Variants in CHD9 observed in about 807,000 individuals in gnomAD.
CHD9 encodes chromodomain helicase DNA binding protein 9, also known as ATP-dependent chromatin remodeler CHD9.
In CHD9, 77 loss-of-function variants were observed where a neutral mutation model predicts 316.1. That is an observed-to-expected ratio of 0.24 (90% confidence interval 0.20 to 0.29). The LOEUF is 0.29. CHD9 is among the 10% of genes least tolerant of loss of function. The pLI is 1.00. For synonymous variants in CHD9, 1,129 were observed against 1,158.3 expected, an observed-to-expected ratio of 0.97 and a Z score of 0.51; for missense variants, 2,763 against 3,438.1, an observed-to-expected ratio of 0.80 and a Z score of 4.91.
At chr16:53,098,015 G>A (rs2036525787) in intron 1 of CHD9, among the ~76,000 whole-genome samples, 1 of 152,112 alleles carries the variant, frequency 6.6e-6, no homozygotes, top group Non-Finnish European at 1.5e-5. Context: ...AGCTACTCAG[G>A]AGGTTGAGGC....
rs758549673 is a variant in CHD9, at chr16:53,238,349, C to T, written c.2640C>T (p.Asn880=). ...WLLFNWYNRR[N]CILADEMGLG... Reference sequence around the variant, plus strand: ...ATGTATTTGTTTATTTCAGACGAAACTGCATCTTAGCAGATGAAATGGGTC... The same window carrying T: ...ATGTATTTGTTTATTTCAGACGAAATTGCATCTTAGCAGATGAAATGGGTC... Residue 880 remains asparagine (N), a synonymous_variant, in exon 12 of 39, where the codon AAC becomes AAT. Transcript: ENST00000447540. 13 of 1,610,178 alleles carry T rather than the reference C, an allele frequency of 8.1e-6. No individual in the cohort carries two copies. In the South Asian group the frequency reaches 1.3e-4, roughly 16 times the overall value.
chr16:53,092,516 G>T (rs2036034473), intron 1 of CHD9, among the ~76,000 whole-genome samples: 2 of 152,070 alleles, frequency 1.3e-5, no homozygotes, highest in African/African-American at 4.8e-5. Context: ...TGATTTGGGA[G>T]CCCAAACACC....
chr16:53,249,166 T>G (rs559723189), intron 16 of CHD9, among the ~76,000 whole-genome samples: 1 of 152,178 alleles, frequency 6.6e-6, no homozygotes, highest in Non-Finnish European at 1.5e-5. Flanking sequence ...ATAACAAACA[T>G]TATTAGAAGT....
chr16:53,241,724 A>T (rs1323306289), intron 12 of CHD9, among the ~76,000 whole-genome samples: 1 of 152,188 alleles, frequency 6.6e-6, no homozygotes, highest in Non-Finnish European at 1.5e-5. Context: ...TGTATCTAGA[A>T]CTGACCACTT....
chr16:53,213,467 A>G (rs1185154906), intron 3 of CHD9, among the ~76,000 whole-genome samples: 3 of 152,212 alleles, frequency 2.0e-5, no homozygotes, highest in Admixed American at 2.0e-4. Flanking sequence ...TATGGGATGG[A>G]TGGATGGATG....
At chr16:53,250,241 A>G (rs1441983496) in intron 17 of CHD9, 175 bp downstream of exon 17, 3 of 586,022 alleles carry the variant, frequency 5.1e-6, no homozygotes, top group South Asian at 2.3e-5. Context: ...GATAAAAACT[A>G]TAATGACAAA....
chr16:53,090,281 C>G (rs4784291), intron 1 of CHD9, among the ~76,000 whole-genome samples: 56,861 of 151,980 alleles, frequency 0.37, 10,877 homozygotes, highest in East Asian at 0.59. Context: ...ACAAAATGAG[C>G]TTCCTGACCG....
chr16:53,057,159 T>A (rs2032234885), intron 1 of CHD9, among the ~76,000 whole-genome samples: 1 of 151,720 alleles, frequency 6.6e-6, no homozygotes, highest in African/African-American at 2.4e-5. Flanking sequence ...TTTTAAAAAT[T>A]ATATAATTAA....
chr16:53,103,153 G>C (rs1334226749), intron 1 of CHD9, among the ~76,000 whole-genome samples: 2 of 85,416 alleles, frequency 2.3e-5, no homozygotes, highest in African/African-American at 8.3e-5. Context: ...CCCTGACCCT[G>C]TCTCTTTAAA....
intron 15 of CHD9, among the ~76,000 whole-genome samples, chr16:53,246,521 G>T (rs2152957988): frequency 6.7e-6 from 1 of 149,020 alleles, no homozygotes; most frequent in Admixed American, 6.7e-5. Flanking sequence ...GTTGTTGTTT[G>T]TTTTTGTTTT....
intron 37 of CHD9, chr16:53,321,174 G>A (rs1299584241): frequency 8.2e-7 from 1 of 1,217,272 alleles, no homozygotes; most frequent in East Asian, 5.5e-5. Context: ...TCAGAAAATT[G>A]AGGCTGAAAG....
rs1186753302 is a variant in CHD9, at chr16:53,174,585, C to T, written c.1452+17044C>T. ...TTAACATGGTATATCTTTTTCTGCC[C>T]TTGTACTTTTAACCTATTTATGTAT... is the stretch of plus-strand genomic sequence containing the variant. On this transcript the variant is annotated intron_variant, in intron 2 of 38. Coordinates refer to ENST00000447540, the MANE Select transcript of CHD9 (RefSeq NM_001308319.2). Among the ~76,000 whole-genome samples the T allele has an allele frequency of 3.3e-5, 5 of 151,810 alleles. No individual in the cohort carries two copies. In the East Asian group the frequency reaches 7.7e-4, roughly 23 times the overall value.
At chr16:53,099,512 G>A (rs761805556) in intron 1 of CHD9, among the ~76,000 whole-genome samples, 1 of 151,978 alleles carries the variant, frequency 6.6e-6, no homozygotes, top group Non-Finnish European at 1.5e-5. Flanking sequence ...GGGACGGCCC[G>A]CTCTGGAATG....
chr16:53,139,327 C>A (rs1191009446), intron 1 of CHD9, among the ~76,000 whole-genome samples: 1 of 151,880 alleles, frequency 6.6e-6, no homozygotes, highest in East Asian at 1.9e-4. Flanking sequence ...AAGGAAGGGC[C>A]ATATTGAAGG....
At position 53,146,413 on chromosome 16, in the gene CHD9, G is replaced by GTATA. The variant is rs1361043895; in HGVS notation, c.-164-9512_-164-9511insATAT. ...CTCAAAAAAAAAAAATTGTGTGTGTGTGTATGTATATATATATATATATAA... is the reference window on the plus strand; with the variant it reads ...CTCAAAAAAAAAAAATTGTGTGTGTGTATATGTATGTATATATATATATATATAA... On this transcript the variant is annotated intron_variant, in intron 1 of 38. Transcript: ENST00000447540. Among the ~76,000 whole-genome samples, 77 of 24,410 alleles carry GTATA rather than the reference G, an allele frequency of 3.2e-3. No individual in the cohort carries two copies. In the Middle Eastern group the frequency reaches 0.038, roughly 12 times the overall value. 16.0% of individuals were successfully genotyped at this position (24,410 alleles called of 152,430 possible). A position where few individuals can be genotyped will look rare whatever the true frequency, so the allele number is the denominator to read the frequency against.
At chr16:53,209,446 T>C (rs780677852) in intron 2 of CHD9, 36 bp from the exon 3 acceptor site, 292 of 1,327,906 alleles carry the variant, frequency 2.2e-4, no homozygotes, top group Non-Finnish European at 7.2e-6. Context: ...AGATGTACTT[T>C]GGTATATTCT....
intron 1 of CHD9, among the ~76,000 whole-genome samples, chr16:53,148,848 G>A (rs1340293281): frequency 6.6e-6 from 1 of 152,108 alleles, no homozygotes; most frequent in African/African-American, 2.4e-5. Flanking sequence ...TTCCTTAGGG[G>A]TACAATTAGG....
intron 11 of CHD9, among the ~76,000 whole-genome samples, chr16:53,237,986 G>C (rs1312492299): frequency 1.3e-5 from 2 of 152,078 alleles, no homozygotes; most frequent in Non-Finnish European, 2.9e-5. Flanking sequence ...GAAAGGCAGA[G>C]AACATGTTTT....
At chr16:53,279,764 A>G (rs926558434) in intron 24 of CHD9, among the ~76,000 whole-genome samples, 4 of 152,146 alleles carry the variant, frequency 2.6e-5, no homozygotes, top group Admixed American at 2.0e-4. Flanking sequence ...AAAAATCTTC[A>G]TAATCTGTAC....
Sources: allele counts gnomAD v4.1 joint callset (sites outside exome capture counted in the v4.1 genomes callset), GRCh38; gene constraint gnomAD v4.1.1; transcripts MANE v1.5; gene names NCBI Gene and HGNC (gene_info 2026-07-23, HGNC 2026-07-21).